Variants in LAMP5 observed in about 807,000 individuals in gnomAD.
LAMP5 encodes the protein lysosome associated membrane protein 5, also known as lysosome-associated membrane glycoprotein 5.
Under a neutral mutation model 30.2 loss-of-function variants are expected in LAMP5, and 36 were observed. That is an observed-to-expected ratio of 1.19 (90% CI 0.91 to 1.57). The LOEUF (loss-of-function observed/expected upper bound fraction) is 1.57, where lower values mean the gene tolerates loss of function less well. Among genes scored for constraint, LAMP5 ranks in the 40% most tolerant of loss-of-function variants. The pLI is 0.00. For missense variants in LAMP5, 377 were observed against 354.9 expected (o/e 1.06, Z -0.50); for synonymous variants, 149 against 134.6 (o/e 1.11, Z -0.74).
In LAMP5 at chr20:9,515,524, GAT is replaced by G; in HGVS notation, c.141_142del (p.Phe48CysfsTer23). 1.2e-6 allele frequency: 2 copies of G among 1,614,170 alleles called. No homozygotes were observed. The highest frequency in any genetic ancestry group is 1.7e-6 in the Non-Finnish European group (2 of 1,180,012). ...AGGCCTTTCCACTAACCCTGAAAAA[GAT>G]ATATTTGTGGTGCGGGAAAATGGGA... ...LSGLSTNPEK[D>X]IFVVRENGTT... On this transcript the variant is annotated frameshift_variant, in exon 2 of 6. Coordinates refer to ENST00000246070, the MANE Select transcript of LAMP5 (RefSeq NM_012261.4). LOFTEE classifies it high-confidence loss of function.
chr20:9,520,489 T>C (rs185962592), intron 5 of LAMP5, among the ~76,000 whole-genome samples: 1 of 152,322 alleles, frequency 6.6e-6, no homozygotes, highest in East Asian at 1.9e-4. Context: ...GGCCTTTCGG[T>C]GTGTGCATGT....
Position 9,518,027 on chromosome 20 carries a change from G to C in LAMP5, c.476-13G>C, listed in dbSNP as rs1403417970. 1 of 1,300,850 alleles carries C rather than the reference G, an allele frequency of 7.7e-7. No homozygotes were observed. Among genetic ancestry groups the C allele is most frequent in the African/African-American group, 2.5e-5 (1 of 40,452 alleles). 80.6% of individuals were successfully genotyped at this position (1,300,850 alleles called of 1,614,324 possible). A position where few individuals can be genotyped will look rare whatever the true frequency, so the allele number is the denominator to read the frequency against. On this transcript the variant is annotated splice_polypyrimidine_tract_variant and intron_variant, in intron 4 of 5. Coordinates refer to ENST00000246070, the MANE Select transcript of LAMP5 (RefSeq NM_012261.4). ...ATGAGGGTTCTAACTATTGCTCTGG[G>C]CTCTTGCTGTAGCTGGGAAGCACAC...
intron 5 of LAMP5, among the ~76,000 whole-genome samples, chr20:9,525,386 T>C (rs1256993455): frequency 6.6e-6 from 1 of 152,172 alleles, no homozygotes; most frequent in Non-Finnish European, 1.5e-5. Context: ...TAGTATGACG[T>C]TGGATACTCA....
chr20:9,519,698 TG>T (rs2045066803), intron 5 of LAMP5, among the ~76,000 whole-genome samples: 3 of 152,240 alleles, frequency 2.0e-5, no homozygotes, highest in Non-Finnish European at 2.9e-5. Flanking sequence ...TGAAAATAAT[TG>T]GACTATGTAA....
intron 1 of LAMP5, 90 bp from the exon 2 acceptor site, chr20:9,515,363 A>C (rs1413365198): frequency 7.0e-6 from 9 of 1,285,234 alleles, no homozygotes; most frequent in East Asian, 2.4e-5. Flanking sequence ...TTGTCACTCC[A>C]AAGCCTGCAG....
At position 9,529,972 on chromosome 20, in the gene LAMP5, C is replaced by G; in HGVS notation, c.*152C>G. 2 of 671,788 alleles carry G rather than the reference C, an allele frequency of 3.0e-6. No individual in the cohort carries two copies. Among genetic ancestry groups the G allele is most frequent in the Non-Finnish European group, 4.8e-6 (2 of 414,890 alleles). The allele number at this position is 671,788 out of a possible 1,614,324, so 41.6% of individuals were successfully genotyped here. On this transcript the variant is annotated 3_prime_UTR_variant, in exon 6 of 6. Coordinates refer to ENST00000246070, the MANE Select transcript of LAMP5 (RefSeq NM_012261.4). Reference sequence around the variant, plus strand: ...GAGGCTTGCTTGGCTTGTGTCCATGCTTAAACCCACGGAAGGGGGAGACTC... The same window carrying G: ...GAGGCTTGCTTGGCTTGTGTCCATGGTTAAACCCACGGAAGGGGGAGACTC...
rs1046259438 is a variant in LAMP5 at position 9,526,271 on chromosome 20, T to A, written c.665-3371T>A. Among the ~76,000 whole-genome samples the A allele has an allele frequency of 2.9e-4, 44 of 152,242 alleles. 1 individual carries two copies. Among genetic ancestry groups the A allele is most frequent in the South Asian group, 2.1e-4 (1 of 4,834 alleles). On this transcript the variant is annotated intron_variant, in intron 5 of 5. Coordinates refer to ENST00000246070, the MANE Select transcript of LAMP5 (RefSeq NM_012261.4). ...TGTATTTCTTCTTAATATTTTAAAA[T>A]TTTTAAAAATTCTTTGTTTCTATTC...
chr20:9,518,318 C>G, intron 5 of LAMP5, 90 bp downstream of exon 5: 2 of 1,122,748 alleles, frequency 1.8e-6, no homozygotes, highest in Non-Finnish European at 2.6e-6. Flanking sequence ...GATGTTACCA[C>G]TTGGATTTCC....
chr20:9,516,257 A>G lies in LAMP5; in HGVS notation c.371A>G (p.Glu124Gly). 6.2e-7 allele frequency: 1 copy of G among 1,614,068 alleles called. No individual in the cohort carries two copies. Among genetic ancestry groups the G allele is most frequent in the Non-Finnish European group, 8.5e-7 (1 of 1,179,954 alleles). ...AYALKMLFVK[E>G]SHNMSKGPEA... ...AAGCGCACCTCCCCGGCTCAACAGG[A>G]AAGCCACAACATGTCCAAGGGACCT... is the stretch of plus-strand genomic sequence containing the variant. Residue 124 changes from glutamate (E) to glycine (G), a missense_variant and splice_region_variant, in exon 4 of 6, where the codon GAA (glutamate) becomes GGA (glycine). By Grantham distance (98) the Glu-to-Gly change is moderately conservative. Transcript: ENST00000246070.
chr20:9,527,289 G>A (rs2045120962), intron 5 of LAMP5, among the ~76,000 whole-genome samples: 1 of 152,092 alleles, frequency 6.6e-6, no homozygotes, highest in African/African-American at 2.4e-5. Context: ...TTATCGTTAT[G>A]ACTTGATTAC....
Position 9,530,460 on chromosome 20 carries a change from G to C in LAMP5, c.*640G>C, listed in dbSNP as rs1281358408. On this transcript the variant is annotated 3_prime_UTR_variant, in exon 6 of 6. Coordinates refer to ENST00000246070, the MANE Select transcript of LAMP5 (RefSeq NM_012261.4). ...TTCCTGTGCCAGGTCCAAGTCGGGG[G>C]ACCTGAAGAATCAATCTGTGTGAGT... The C allele has an allele frequency of 6.5e-6, 1 of 152,728 alleles. No individual in the cohort carries two copies. The highest frequency in any genetic ancestry group is 2.4e-5 in the African/African-American group (1 of 41,566). The allele number at this position is 152,728 out of a possible 1,614,324, so 9.5% of individuals were successfully genotyped here. A position where few individuals can be genotyped will look rare whatever the true frequency, so the allele number is the denominator to read the frequency against.
At chr20:9,526,885 T>C (rs915151444) in intron 5 of LAMP5, among the ~76,000 whole-genome samples, 1 of 117,934 alleles carries the variant, frequency 8.5e-6, no homozygotes, top group Non-Finnish European at 1.8e-5. Context: ...TATATATATA[T>C]ATATATATAT....
chr20:9,517,434 A>G (rs763864555), intron 4 of LAMP5, among the ~76,000 whole-genome samples: 6 of 132,284 alleles, frequency 4.5e-5, no homozygotes, highest in Non-Finnish European at 6.4e-5. Flanking sequence ...CTCCATTATT[A>G]GGGATTTTTT....
Position 9,515,713 on chromosome 20 carries a change from GC to G in LAMP5, c.237+91del, listed in dbSNP as rs533169874. The G allele has an allele frequency of 4.4e-3, 6,282 of 1,443,346 alleles. 26 individuals carry two copies. Among genetic ancestry groups the G allele is most frequent in the Non-Finnish European group, 5.2e-3 (5,472 of 1,058,264 alleles). 89.4% of individuals were successfully genotyped at this position (1,443,346 alleles called of 1,614,324 possible). The stretch of plus-strand genomic sequence containing the variant: ...TCAAGGCTCTTCGAAGACCTGGGTT[GC>G]CCGCCTTCTTTCCCACACCCCGGCA... On this transcript the variant is annotated intron_variant, in intron 2 of 5. Coordinates refer to ENST00000246070, the MANE Select transcript of LAMP5 (RefSeq NM_012261.4).
rs920251859 is a variant in LAMP5, at chr20:9,517,968, A to G, written c.476-72A>G. On this transcript the variant is annotated intron_variant, in intron 4 of 5. Coordinates refer to ENST00000246070, the MANE Select transcript of LAMP5 (RefSeq NM_012261.4). Reference sequence around the variant, plus strand: ...GTGTGGTGTCTGGAACTGAGAGGCAATAGCCAGCTCTCTGGCACATTAGGT... The same window carrying G: ...GTGTGGTGTCTGGAACTGAGAGGCAGTAGCCAGCTCTCTGGCACATTAGGT... 4 of 1,396,446 alleles carry G rather than the reference A, an allele frequency of 2.9e-6. No homozygotes were observed. In the African/African-American group the frequency reaches 5.8e-5, roughly 20 times the overall value. The allele number at this position is 1,396,446 out of a possible 1,614,324, so 86.5% of individuals were successfully genotyped here.
chr20:9,523,751 G>C (rs925832544), intron 5 of LAMP5, among the ~76,000 whole-genome samples: 1 of 152,084 alleles, frequency 6.6e-6, no homozygotes, highest in African/African-American at 2.4e-5. Context: ...TGGATAGGGA[G>C]TCAGGGGTTC....
intron 4 of LAMP5, 105 bp from the exon 5 acceptor site, chr20:9,517,935 C>A: frequency 3.2e-6 from 3 of 948,854 alleles, no homozygotes; most frequent in Non-Finnish European, 4.8e-6. Flanking sequence ...ACAGAGAGGA[C>A]AGGAGGGGTG....
chr20:9,515,404 C>A, intron 1 of LAMP5, 49 bp from the exon 2 acceptor site: 1 of 1,563,176 alleles, frequency 6.4e-7, no homozygotes, highest in Non-Finnish European at 8.7e-7. Context: ...GCGCCCGAGA[C>A]GCGTGGGCTG....
rs1242310094 is a variant in LAMP5 at position 9,516,237 on chromosome 20, C to T, written c.370-19C>T. On this transcript the variant is annotated intron_variant, in intron 3 of 5. Coordinates refer to ENST00000246070, the MANE Select transcript of LAMP5 (RefSeq NM_012261.4). ...AGACGCTGCGGGGACGATTGAAGCG[C>T]ACCTCCCCGGCTCAACAGGAAAGCC... 3 of 1,613,446 alleles carry T rather than the reference C, an allele frequency of 1.9e-6. No individual in the cohort carries two copies. The Admixed American group carries it at 5.0e-5, about 27-fold the overall frequency.
Sources: gnomAD v4.1 joint callset for allele counts (sites outside exome capture counted in the v4.1 genomes callset) on GRCh38, gnomAD v4.1.1 for gene constraint, MANE v1.5 for transcripts, NCBI Gene and HGNC (gene_info 2026-07-23, HGNC 2026-07-21) for gene names.